Variants in TSKU observed in about 807,000 individuals in gnomAD.
TSKU encodes the protein tsukushi, small leucine rich proteoglycan, also known as tsukushi.
A neutral mutation model predicts 11.2 loss-of-function variants in TSKU; 4 were observed. The observed-to-expected ratio is 0.36, with a 90% CI of 0.18 to 0.82. The LOEUF (loss-of-function observed/expected upper bound fraction) is 0.82, where lower values mean the gene tolerates loss of function less well. TSKU is among the 40% of genes least tolerant of loss of function. TSKU has a pLI of 0.50. For missense variants in TSKU, 407 were observed against 482.5 expected, an observed-to-expected ratio of 0.84 and a Z score of 1.47; for synonymous variants, 220 against 232.2, an observed-to-expected ratio of 0.95 and a Z score of 0.48.
chr11:76,795,779 C>G lies in TSKU; in HGVS notation c.163C>G (p.Pro55Ala). The change falls in exon 2 of 2, where the codon CCC (proline) becomes GCC (alanine). Residue 55 changes from proline to alanine, a missense_variant. Pro to Ala is a conservative substitution (Grantham distance 27). Transcript: ENST00000333090. ...SGLGPHIMPV[P>A]IPLDTAHLDL... ...CCTGGGCCCCCACATCATGCCGGTG[C>G]CCATCCCTCTGGACACAGCCCACTT... The G allele has an allele frequency of 6.2e-7, 1 of 1,614,172 alleles. No homozygotes were observed. Among genetic ancestry groups the G allele is most frequent in the Non-Finnish European group, 8.5e-7 (1 of 1,180,034 alleles).
At chr11:76,784,747 G>GT (rs1491205170) in intron 1 of TSKU, among the ~76,000 whole-genome samples, 1 of 82,268 alleles carries the variant, frequency 1.2e-5, no homozygotes, top group Non-Finnish European at 2.7e-5. Context: ...GACCGGAGGT[G>GT]GGGGGGGGGG....
intron 1 of TSKU, among the ~76,000 whole-genome samples, chr11:76,795,366 G>A (rs866301386): frequency 6.6e-6 from 1 of 152,248 alleles, no homozygotes; most frequent in Non-Finnish European, 1.5e-5. Context: ...TCTTGTTTAA[G>A]AAAGGGATCT....
intron 1 of TSKU, among the ~76,000 whole-genome samples, chr11:76,790,394 C>T (rs1944354935): frequency 6.6e-6 from 1 of 152,204 alleles, no homozygotes; most frequent in Admixed American, 6.5e-5. Flanking sequence ...CCATTGGCTG[C>T]ACATTTGTCA....
intron 1 of TSKU, among the ~76,000 whole-genome samples, chr11:76,785,595 C>T (rs911178242): frequency 1.4e-4 from 22 of 152,142 alleles, no homozygotes; most frequent in African/African-American, 1.9e-4. Flanking sequence ...GACCAGCAGA[C>T]GCAAGGTCTT....
chr11:76,789,331 G>A (rs1944342302), intron 1 of TSKU, among the ~76,000 whole-genome samples: 1 of 152,244 alleles, frequency 6.6e-6, no homozygotes, highest in Non-Finnish European at 1.5e-5. Flanking sequence ...GGTGCCTCGT[G>A]CATGGGAGAA....
chr11:76,784,286 G>C (rs1032421810), intron 1 of TSKU: 4 of 152,404 alleles, frequency 2.6e-5, no homozygotes, highest in African/African-American at 9.6e-5. Context: ...CGTCTGTTTG[G>C]TAGGGAGACA....
chr11:76,789,618 A>G (rs1944345125), intron 1 of TSKU, among the ~76,000 whole-genome samples: 1 of 152,172 alleles, frequency 6.6e-6, no homozygotes, highest in Non-Finnish European at 1.5e-5. Context: ...TCACAGATGG[A>G]TGTGGTTTCT....
rs1224335984 is a variant in TSKU at position 76,796,576 on chromosome 11, G to A, written c.960G>A (p.Val320=). Residue 320 remains valine, a synonymous_variant, in exon 2 of 2, where the codon GTG becomes GTA. Transcript: ENST00000333090. This position sits in a 1 kb window ranked among gnomAD's most constrained non-coding sequence, Gnocchi z 4.1. ...AGGATGTGCGGTGCCGGCGCCTGGT[G>A]CGGGAGGGCACCTACCCCCGGAGGC... is the stretch of plus-strand genomic sequence containing the variant. The part of the protein sequence containing the change: ...VGQDVRCRRL[V]REGTYPRRPG... 3 of 1,565,702 alleles carry A rather than the reference G, an allele frequency of 1.9e-6. No individual in the cohort carries two copies. The highest frequency in any genetic ancestry group is 4.6e-5 in the East Asian group (2 of 43,378).
In TSKU at chr11:76,796,077, A is replaced by C; in HGVS notation, c.461A>C (p.His154Pro). Residue 154 changes from histidine to proline, a missense_variant, in exon 2 of 2, where the codon CAC (histidine) becomes CCC (proline). Transcript: ENST00000333090. This position sits in a 1 kb window ranked among gnomAD's most constrained non-coding sequence, Gnocchi z 4.1. ...GTCTCAGTGTCTGCCTTCACGACGCACAGTCAGGGCCGGGCACTACACGTG... is the reference window on the plus strand; with the variant it reads ...GTCTCAGTGTCTGCCTTCACGACGCCCAGTCAGGGCCGGGCACTACACGTG... ...REVSVSAFTT[H>P]SQGRALHVDL... The C allele has an allele frequency of 1.2e-6, 2 of 1,613,906 alleles. No individual in the cohort carries two copies. The highest frequency in any genetic ancestry group is 3.3e-4 in the Middle Eastern group (2 of 6,062).
chr11:76,789,054 C>T (rs1944339485), intron 1 of TSKU, among the ~76,000 whole-genome samples: 1 of 152,178 alleles, frequency 6.6e-6, no homozygotes, highest in Non-Finnish European at 1.5e-5. Flanking sequence ...TCACATGAGG[C>T]ATCAGGTCCC....
upstream of TSKU, chr11:76,782,924 C>G (rs1051908402): frequency 1.3e-5 from 2 of 152,352 alleles, no homozygotes; most frequent in African/African-American, 4.8e-5. Flanking sequence ...CACCAAATCT[C>G]TTTCTTACTA....
upstream of TSKU, chr11:76,783,017 G>C (rs1944253975): frequency 6.6e-6 from 1 of 152,418 alleles, no homozygotes; most frequent in South Asian, 2.1e-4. Flanking sequence ...GCGACCTCCA[G>C]ATGTTCCCGA....
chr11:76,797,926 T>C lies in TSKU; in HGVS notation c.*1248T>C, dbSNP rs1565130696. 6.0e-6 allele frequency: 1 copy of C among 167,128 alleles called. No individual in the cohort carries two copies. Among genetic ancestry groups the C allele is most frequent in the Non-Finnish European group, 1.5e-5 (1 of 68,142 alleles). 10.4% of individuals were successfully genotyped at this position (167,128 alleles called of 1,614,324 possible). ...CCTGCTGGCCGGGGATGGAGACATG[T>C]CATTTGTAAAAGCAGAAAAAGGTTG... On this transcript the variant is annotated 3_prime_UTR_variant, in exon 2 of 2. Coordinates refer to ENST00000333090, the MANE Select transcript of TSKU (RefSeq NM_015516.4).
intron 1 of TSKU, chr11:76,792,313 A>G (rs1944382449): frequency 1.3e-5 from 2 of 152,228 alleles, no homozygotes; most frequent in Admixed American, 1.3e-4. Flanking sequence ...CTAGGAAGTA[A>G]CTAACTTGCT....
chr11:76,795,372 G>T (rs1399623421), intron 1 of TSKU, among the ~76,000 whole-genome samples: 2 of 152,240 alleles, frequency 1.3e-5, no homozygotes, highest in Non-Finnish European at 2.9e-5. Flanking sequence ...TTAAGAAAGG[G>T]ATCTGCTGCT....
intron 1 of TSKU, among the ~76,000 whole-genome samples, chr11:76,794,637 AG>A (rs1211150890): frequency 6.6e-6 from 1 of 152,250 alleles, no homozygotes; most frequent in African/African-American, 2.4e-5. Context: ...CCGAGGTTAA[AG>A]GAAGAACCAA....
At chr11:76,784,494 C>T (rs1484631093) in intron 1 of TSKU, 1 of 152,286 alleles carries the variant, frequency 6.6e-6, no homozygotes, top group Non-Finnish European at 1.5e-5. Flanking sequence ...GCCACTGGCC[C>T]CTGTGCGGCG....
Position 76,795,622 on chromosome 11 carries a change from G to T in TSKU, c.6G>T (p.Pro2=), listed in dbSNP as rs746767100. 9.9e-6 allele frequency: 16 copies of T among 1,609,988 alleles called. No homozygotes were observed. Among genetic ancestry groups the T allele is most frequent in the Non-Finnish European group, 5.1e-6 (6 of 1,179,684 alleles). The change falls in exon 2 of 2, where the codon CCG becomes CCT. Residue 2 remains proline, a synonymous_variant. Coordinates refer to ENST00000333090, the MANE Select transcript of TSKU (RefSeq NM_015516.4). M[P]WPLLLLLAVS... ...CTCTCTTTCTAGCCCCCACCATGCC[G>T]TGGCCCCTGCTGCTGCTGCTGGCCG...
rs754860779 is a variant in TSKU, at chr11:76,795,876, C to T, written c.260C>T (p.Ala87Val). 6.2e-6 allele frequency: 10 copies of T among 1,613,844 alleles called. No homozygotes were observed. The highest frequency in any genetic ancestry group is 1.6e-4 in the Middle Eastern group (1 of 6,062). Residue 87 changes from alanine (A) to valine (V), a missense_variant, in exon 2 of 2, where the codon GCT becomes GTT. Transcript: ENST00000333090. ...GCGGGGCCGGGCTACACGACGTTGG[C>T]TGGCCTGGATCTCAGCCACAACCTG... ...VLAGPGYTTL[A>V]GLDLSHNLLT...
Sources: gnomAD v4.1 joint callset for allele counts (sites outside exome capture counted in the v4.1 genomes callset) on GRCh38, gnomAD v4.1.1 for gene constraint, Gnocchi (gnomAD v3.1) non-coding constraint, MANE v1.5 for transcripts, NCBI Gene and HGNC (gene_info 2026-07-23, HGNC 2026-07-21) for gene names.